DDX46: variants seen among roughly 807,000 people sequenced by gnomAD.
DDX46 encodes the protein probable ATP-dependent RNA helicase DDX46.
Under a neutral mutation model 134.9 loss-of-function variants are expected in DDX46, and 30 were observed. The ratio of observed to expected loss-of-function variants is 0.22; its 90% confidence interval spans 0.17 to 0.30. The LOEUF is 0.30. Ranked by LOEUF, DDX46 falls within the 10% of genes least tolerant of loss-of-function variation. The pLI, the probability that DDX46 is intolerant of heterozygous loss-of-function variation, is 1.00. For synonymous variants in DDX46, 415 were observed against 404.1 expected (o/e 1.03, Z -0.32); for missense variants, 622 against 1,248.7 (o/e 0.50, Z 7.56).
At chr5:134,781,839 T>A (rs548108523) in intron 7 of DDX46, 82 bp from the exon 8 acceptor site, 1 of 1,341,628 alleles carries the variant, frequency 7.5e-7, no homozygotes, top group Admixed American at 2.6e-5. Flanking sequence ...GAGAGGAAGA[T>A]TTGAAAAGCT....
intron 19 of DDX46, 81 bp downstream of exon 19, chr5:134,816,687 A>G: frequency 4.4e-6 from 6 of 1,353,890 alleles, no homozygotes; most frequent in East Asian, 2.4e-5. Flanking sequence ...GTTGAACACA[A>G]GTAAACAAGT....
chr5:134,818,735 GGAGA>G (rs143733920), intron 20 of DDX46, 121 bp from the exon 21 acceptor site: 632 of 508,316 alleles, frequency 1.2e-3, no homozygotes, highest in South Asian at 2.0e-3. Flanking sequence ...ATATATATAT[GGAGA>G]GAGAGAGAGA....
chr5:134,774,676 G>A (rs184717559), intron 5 of DDX46, among the ~76,000 whole-genome samples: 5 of 152,154 alleles, frequency 3.3e-5, no homozygotes, highest in African/African-American at 1.2e-4. Flanking sequence ...ATGCTTTCAA[G>A]TGCCTCCTCT....
At chr5:134,798,877 C>T (rs1179994795) in intron 15 of DDX46, among the ~76,000 whole-genome samples, 1 of 152,216 alleles carries the variant, frequency 6.6e-6, no homozygotes, top group Non-Finnish European at 1.5e-5. Flanking sequence ...TGTCCATAGA[C>T]TGCAGATTGA....
rs973539050 is a variant in DDX46 at position 134,758,809 on chromosome 5, C to A, written c.-130C>A. On this transcript the variant is annotated 5_prime_UTR_variant, in exon 1 of 23. Coordinates refer to ENST00000452510, the MANE Select transcript of DDX46 (RefSeq NM_001300860.2). ...TTCGTTGGCCGCGCTGGGATGGCCG[C>A]CACAGCTGTAGGTGCTGCTAGTGTT... 5.5e-6 allele frequency: 8 copies of A among 1,446,296 alleles called. No homozygotes were observed. Among genetic ancestry groups the A allele is most frequent in the Non-Finnish European group, 7.7e-6 (8 of 1,041,650 alleles). The allele number at this position is 1,446,296 out of a possible 1,614,324, so 89.6% of individuals were successfully genotyped here.
chr5:134,785,506 A>G lies in DDX46; in HGVS notation c.1384A>G (p.Thr462Ala). 1.2e-6 allele frequency: 2 copies of G among 1,613,966 alleles called. No homozygotes were observed. The highest frequency in any genetic ancestry group is 1.7e-6 in the Non-Finnish European group (2 of 1,179,926). ...AACTCGAGAACTGGCTTTACAGATT[A>G]CTAAAGAGTGTAAGAAGTTTTCCAA... ...TPTRELALQI[T>A]KECKKFSKTL... Residue 462 changes from threonine to alanine, a missense_variant, in exon 11 of 23, where the codon ACT (threonine) becomes GCT (alanine). Around this residue, in one of 8 missense-constraint regions of DDX46, gnomAD observed 209 missense variants for 508.4 expected, o/e 0.41. Coordinates refer to ENST00000452510, the MANE Select transcript of DDX46 (RefSeq NM_001300860.2).
chr5:134,777,543 T>G, intron 5 of DDX46, 31 bp from the exon 6 acceptor site: 1 of 1,608,796 alleles, frequency 6.2e-7, no homozygotes, highest in Non-Finnish European at 8.5e-7. Flanking sequence ...TTTAAACAGA[T>G]GTTTAAAGAA....
intron 2 of DDX46, among the ~76,000 whole-genome samples, chr5:134,765,751 TAGAA>T (rs1753548291): frequency 6.6e-6 from 1 of 152,268 alleles, no homozygotes; most frequent in Non-Finnish European, 1.5e-5. Context: ...GAGTGGATCA[TAGAA>T]AGAATTTAAC....
chr5:134,784,314 G>T, intron 9 of DDX46, 52 bp from the exon 10 acceptor site: 4 of 1,547,608 alleles, frequency 2.6e-6, no homozygotes, highest in Non-Finnish European at 3.5e-6. Flanking sequence ...GACCTGTCTG[G>T]GGCCCAGCAA....
chr5:134,811,870 T>A, intron 18 of DDX46, 25 bp downstream of exon 18: 2 of 1,597,436 alleles, frequency 1.3e-6, no homozygotes, highest in Non-Finnish European at 1.7e-6. Flanking sequence ...TCTCTCATTC[T>A]TAATTGAAGC....
At chr5:134,789,858 T>C (rs1754453403) in intron 12 of DDX46, among the ~76,000 whole-genome samples, 1 of 152,226 alleles carries the variant, frequency 6.6e-6, no homozygotes, top group African/African-American at 2.4e-5. Flanking sequence ...TTGGGATTTA[T>C]ATCTTTGTAT....
intron 16 of DDX46, among the ~76,000 whole-genome samples, chr5:134,810,028 C>CAA (rs1323229087): frequency 1.3e-5 from 2 of 151,912 alleles, no homozygotes; most frequent in African/African-American, 4.8e-5. Context: ...AACAAACAAA[C>CAA]AAAAAATCGC....
intron 1 of DDX46, 24 bp downstream of exon 1, chr5:134,758,979 T>C (rs1753289805): frequency 1.2e-6 from 2 of 1,608,984 alleles, no homozygotes; most frequent in Non-Finnish European, 1.7e-6. Context: ...CCGAGCGGGC[T>C]AGCGGGCGAG....
At chr5:134,816,012 A>G (rs922905951) in intron 18 of DDX46, among the ~76,000 whole-genome samples, 1 of 152,086 alleles carries the variant, frequency 6.6e-6, no homozygotes, top group Admixed American at 6.6e-5. Flanking sequence ...ACCTTGAGTT[A>G]TAGTCCTTCT....
intron 22 of DDX46, among the ~76,000 whole-genome samples, chr5:134,828,275 T>A (rs1443650945): frequency 3.3e-5 from 5 of 152,008 alleles, no homozygotes; most frequent in African/African-American, 1.2e-4. Context: ...TGGTTAGAAG[T>A]TTAATGAAAA....
chr5:134,798,016 T>C (rs1754718317), intron 15 of DDX46, among the ~76,000 whole-genome samples: 1 of 152,064 alleles, frequency 6.6e-6, no homozygotes, highest in Non-Finnish European at 1.5e-5. Flanking sequence ...TTCTCCATGT[T>C]GGTCAGGCTG....
chr5:134,823,733 G>T (rs981411753), intron 21 of DDX46, among the ~76,000 whole-genome samples: 1 of 152,086 alleles, frequency 6.6e-6, no homozygotes, highest in Non-Finnish European at 1.5e-5. Context: ...GCTGACCCCT[G>T]GGTCTTCAAG....
chr5:134,822,527 G>A (rs534072042), intron 21 of DDX46, among the ~76,000 whole-genome samples: 1 of 152,128 alleles, frequency 6.6e-6, no homozygotes, highest in Admixed American at 6.5e-5. Flanking sequence ...TCTAGAGACA[G>A]GGTCTTGCTA....
intron 4 of DDX46, among the ~76,000 whole-genome samples, chr5:134,771,907 T>C (rs1192897807): frequency 6.6e-6 from 1 of 152,144 alleles, no homozygotes; most frequent in Non-Finnish European, 1.5e-5. Context: ...ATATAAACAT[T>C]ATCAATTGCC....
Sources: allele counts gnomAD v4.1 joint callset (sites outside exome capture counted in the v4.1 genomes callset), GRCh38; gene constraint gnomAD v4.1.1; regional missense constraint gnomAD v4.1.1; transcripts MANE v1.5; gene names NCBI Gene and HGNC (gene_info 2026-07-23, HGNC 2026-07-21).